Variants in CEP63 observed in about 807,000 individuals in gnomAD.
CEP63 encodes the protein centrosomal protein of 63 kDa.
In CEP63, 84 loss-of-function variants were observed where a neutral mutation model predicts 89.1. That is an observed-to-expected ratio of 0.94 (90% CI 0.79 to 1.13). The LOEUF is 1.13. CEP63 is among the 50% of genes most tolerant of loss of function. The probability of loss-of-function intolerance (pLI) is 0.00; values close to 1 mark genes in which losing one functional copy is unlikely to be tolerated. For synonymous variants in CEP63, 267 were observed against 272.5 expected (o/e 0.98, Z 0.20); for missense variants, 838 against 813.3 (o/e 1.03, Z -0.37).
At chr3:134,610,518 T>C in the CEP63 span, 1 of 742,556 alleles carries the variant, frequency 1.3e-6, no homozygotes, top group Non-Finnish European at 2.2e-6. Flanking sequence ...CTTCTTGTAC[T>C]CACATATAAA....
At chr3:134,663,865 G>A in the CEP63 span, among the ~76,000 whole-genome samples, 1 of 152,364 alleles carries the variant, frequency 6.6e-6, no homozygotes, top group East Asian at 1.9e-4. Flanking sequence ...TCCCTGCCAG[G>A]AAGAGAGGAG....
At chr3:134,545,408 G>T (rs1421513770) in intron 6 of CEP63, among the ~76,000 whole-genome samples, 178 bp from the exon 7 acceptor site, 2 of 152,014 alleles carry the variant, frequency 1.3e-5, no homozygotes, top group African/African-American at 2.4e-5. Flanking sequence ...AGGATTACAG[G>T]CGTGAGCCAC....
the CEP63 span, among the ~76,000 whole-genome samples, chr3:134,670,103 C>T: frequency 3.3e-4 from 51 of 152,310 alleles, no homozygotes; most frequent in African/African-American, 9.9e-4. Context: ...TGATCTCAGA[C>T]TTTCAGCCTC....
the CEP63 span, among the ~76,000 whole-genome samples, chr3:134,695,369 T>C: frequency 1.3e-5 from 2 of 152,252 alleles, no homozygotes; most frequent in African/African-American, 4.8e-5. Flanking sequence ...ATACATTGCC[T>C]GGCTTCTCGA....
intron 11 of CEP63, among the ~76,000 whole-genome samples, chr3:134,570,755 G>C (rs985483156): frequency 6.6e-5 from 10 of 152,126 alleles, no homozygotes; most frequent in Non-Finnish European, 1.3e-4. Flanking sequence ...CCAATTTACT[G>C]TATTAGTCTG....
the CEP63 span, among the ~76,000 whole-genome samples, chr3:134,633,994 C>T: frequency 6.6e-6 from 1 of 152,138 alleles, no homozygotes; most frequent in Non-Finnish European, 1.5e-5. Context: ...TAAAAATAAC[C>T]ATTTCCCATA....
the CEP63 span, among the ~76,000 whole-genome samples, chr3:134,618,500 T>G: frequency 1.2e-4 from 19 of 152,062 alleles, no homozygotes; most frequent in Non-Finnish European, 2.8e-4. Flanking sequence ...GAGGGTAGGC[T>G]CAGGAAGCTG....
At chr3:134,729,832 T>C in the CEP63 span, among the ~76,000 whole-genome samples, 1 of 151,870 alleles carries the variant, frequency 6.6e-6, no homozygotes, top group African/African-American at 2.4e-5. Context: ...GCAGGGCGGG[T>C]TGTGTGACAA....
intron 3 of CEP63, among the ~76,000 whole-genome samples, chr3:134,520,828 G>GA (rs1047601135): frequency 2.6e-5 from 4 of 152,070 alleles, no homozygotes; most frequent in Non-Finnish European, 5.9e-5. Flanking sequence ...CAATATGGGG[G>GA]AAAAAGAAAG....
the CEP63 span, among the ~76,000 whole-genome samples, chr3:134,685,339 G>A: frequency 6.6e-6 from 1 of 151,864 alleles, no homozygotes; most frequent in African/African-American, 2.4e-5. Context: ...TTGACCCGTA[G>A]CATCCAGGTA....
the CEP63 span, among the ~76,000 whole-genome samples, chr3:134,692,948 G>A: frequency 5.3e-5 from 8 of 152,054 alleles, no homozygotes; most frequent in Admixed American, 3.9e-4. Flanking sequence ...TCTCTTTCTC[G>A]CTTGAATCCA....
chr3:134,616,684 T>C, the CEP63 span, among the ~76,000 whole-genome samples: 119 of 152,294 alleles, frequency 7.8e-4, 2 homozygotes, highest in Non-Finnish European at 5.3e-4. Context: ...CAGGCCAGAA[T>C]AGGGCCATTG....
At chr3:134,726,924 G>A in the CEP63 span, among the ~76,000 whole-genome samples, 1 of 152,000 alleles carries the variant, frequency 6.6e-6, no homozygotes, top group Non-Finnish European at 1.5e-5. Context: ...GTCTTTGCAA[G>A]CACTTATTTT....
chr3:134,548,041 C>G (rs550316901), intron 9 of CEP63, among the ~76,000 whole-genome samples: 1 of 152,122 alleles, frequency 6.6e-6, no homozygotes, highest in East Asian at 1.9e-4. Flanking sequence ...CACTTGTGTC[C>G]TTTTTCTGTA....
rs1349144547 is a variant in CEP63, at chr3:134,486,151, A to G, written c.-77A>G. ...TGGGCGGAACAAACGCGCCGACTAC[A>G]GAGGCTGGACGTAAGCTTAGCGGTG... On this transcript the variant is annotated 5_prime_UTR_variant, in exon 1 of 15. Coordinates refer to ENST00000675561, the MANE Select transcript of CEP63 (RefSeq NM_001353108.3). The G allele has an allele frequency of 2.0e-6, 2 of 985,630 alleles. No individual in the cohort carries two copies. The highest frequency in any genetic ancestry group is 2.4e-6 in the Non-Finnish European group (2 of 830,050). 61.1% of individuals were successfully genotyped at this position (985,630 alleles called of 1,614,324 possible).
In CEP63 at chr3:134,580,223, G is replaced by C. The variant is rs574177280; in HGVS notation, c.1207-7235G>C. ...AAAAAAAAAAAAACACTAAGTAAAA[G>C]AAGCCAAAAGATTATATATTGTATG... On this transcript the variant is annotated intron_variant, in intron 10 of 10. Coordinates refer to the CEP63 transcript ENST00000683931. Among the ~76,000 whole-genome samples, 5 of 138,580 alleles carry C rather than the reference G, an allele frequency of 3.6e-5. No individual in the cohort carries two copies. In the South Asian group the frequency reaches 6.8e-4, roughly 19 times the overall value. The allele number at this position is 138,580 out of a possible 152,430, so 90.9% of individuals were successfully genotyped here.
the CEP63 span, among the ~76,000 whole-genome samples, chr3:134,726,785 T>C: frequency 2.6e-4 from 39 of 152,292 alleles, no homozygotes; most frequent in African/African-American, 9.4e-4. Flanking sequence ...CAGAGCCAGA[T>C]GCTGAAGTCA....
intron 3 of CEP63, among the ~76,000 whole-genome samples, chr3:134,524,858 T>G (rs1448626442): frequency 3.3e-5 from 5 of 152,190 alleles, no homozygotes; most frequent in Admixed American, 1.3e-4. Flanking sequence ...TTGTTGTGTC[T>G]CTGCCAGGTT....
the CEP63 span, among the ~76,000 whole-genome samples, chr3:134,661,169 C>T: frequency 1.3e-5 from 2 of 152,172 alleles, no homozygotes; most frequent in African/African-American, 4.8e-5. Flanking sequence ...GGCATATGTG[C>T]TTCTGTCCAT....
Sources: allele counts gnomAD v4.1 joint callset (sites outside exome capture counted in the v4.1 genomes callset), GRCh38; gene constraint gnomAD v4.1.1; transcripts MANE v1.5; gene names NCBI Gene and HGNC (gene_info 2026-07-23, HGNC 2026-07-21).